Variants in SLIT1 observed in about 807,000 individuals in gnomAD.
The protein encoded by SLIT1 is slit homolog 1 protein.
SLIT1 carries 66 observed loss-of-function variants against 186.1 expected under a neutral mutation model. The observed-to-expected ratio is 0.35, with a 90% CI of 0.29 to 0.44. SLIT1 has a LOEUF of 0.44. Ranked by LOEUF, SLIT1 falls within the 20% of genes least tolerant of loss-of-function variation. The probability of loss-of-function intolerance (pLI) is 1.00; values close to 1 mark genes in which losing one functional copy is unlikely to be tolerated. For synonymous variants in SLIT1, 761 were observed against 833.8 expected (o/e 0.91, Z 1.50); for missense variants, 1,638 against 2,037.4 (o/e 0.80, Z 3.77).
In SLIT1 at chr10:97,047,782, G is replaced by C. The variant is rs757934126; in HGVS notation, c.1542C>G (p.Pro514=). ...NSECNSDVVC[P]HKCRCEANVV... ...CGTTGGCCTCACAGCGGCACTTGTG[G>C]GGACAGACCACGTCGCTGTTGCACT... The change falls in exon 16 of 37, where the codon CCC becomes CCG. Residue 514 remains proline (P), a synonymous_variant. Coordinates refer to ENST00000266058, the MANE Select transcript of SLIT1 (RefSeq NM_003061.3). 4 of 1,613,976 alleles carry C rather than the reference G, an allele frequency of 2.5e-6. No individual in the cohort carries two copies. In the African/African-American group the frequency reaches 5.3e-5, roughly 22 times the overall value.
chr10:97,047,996 G>A lies in SLIT1; in HGVS notation c.1466C>T (p.Ala489Val), dbSNP rs757749299. Reference protein sequence around the residue: ...QIKSKKFRCSAKEQYFIPGTE... With the variant: ...QIKSKKFRCSVKEQYFIPGTE... ...ACCTGGAATGAAGTACTGCTCTTTG[G>A]CTGGGAAGAGAAGCAGAAATACCAT... is the stretch of plus-strand genomic sequence containing the variant. Residue 489 changes from alanine (A) to valine (V), a missense_variant and splice_region_variant, in exon 15 of 37, where the codon GCC becomes GTC. Transcript: ENST00000266058. 1 of 1,614,142 alleles carries A rather than the reference G, an allele frequency of 6.2e-7. No homozygotes were observed. The highest frequency in any genetic ancestry group is 8.5e-7 in the Non-Finnish European group (1 of 1,179,986).
intron 4 of SLIT1, among the ~76,000 whole-genome samples, chr10:97,067,913 G>C (rs1044400887): frequency 6.6e-6 from 1 of 152,042 alleles, no homozygotes; most frequent in South Asian, 2.1e-4. Context: ...CCCCTGCCCC[G>C]CCGCACACCG....
chr10:97,098,243 T>G (rs1441228761), intron 4 of SLIT1, among the ~76,000 whole-genome samples: 1 of 152,230 alleles, frequency 6.6e-6, no homozygotes, highest in Non-Finnish European at 1.5e-5. Flanking sequence ...CTAAGAGTTC[T>G]GGGGCTCTCG....
intron 4 of SLIT1, among the ~76,000 whole-genome samples, chr10:97,146,231 T>C (rs2817657): frequency 0.78 from 119,276 of 152,142 alleles, 46,935 homozygotes; most frequent in Admixed American, 0.84. Context: ...GTTACTTCTT[T>C]GAGCTCCTCA....
chr10:97,064,963 T>C, intron 5 of SLIT1, 87 bp from the exon 6 acceptor site: 1 of 967,412 alleles, frequency 1.0e-6, no homozygotes, highest in Non-Finnish European at 1.6e-6. Context: ...CTCCATTCAT[T>C]CAAAAGAGGT....
intron 4 of SLIT1, among the ~76,000 whole-genome samples, chr10:97,095,207 C>T (rs1036534079): frequency 1.3e-5 from 2 of 152,164 alleles, no homozygotes; most frequent in Non-Finnish European, 2.9e-5. Context: ...TAGTTGAACC[C>T]GGAAGGTGGA....
In SLIT1 at chr10:97,043,112, T is replaced by A. The variant is rs1273096764; in HGVS notation, c.1998-45A>T. The A allele has an allele frequency of 1.3e-6, 2 of 1,592,828 alleles. No individual in the cohort carries two copies. The highest frequency in any genetic ancestry group is 2.7e-5 in the African/African-American group (2 of 74,596). ...CGGCCATGGAGACACTCTGCCCCTC[T>A]CAGAGGTCCCAGCAAACCCCTCCTG... On this transcript the variant is annotated intron_variant, in intron 19 of 36. Coordinates refer to ENST00000266058, the MANE Select transcript of SLIT1 (RefSeq NM_003061.3). The surrounding 1 kb of genome is among the most constrained non-coding windows in gnomAD (Gnocchi z 7.0).
intron 4 of SLIT1, among the ~76,000 whole-genome samples, chr10:97,155,737 C>T (rs1849942041): frequency 6.6e-6 from 1 of 152,110 alleles, no homozygotes; most frequent in Non-Finnish European, 1.5e-5. Flanking sequence ...GCCAGGAGAG[C>T]AAGGGCAAAA....
rs553948106 is a variant in SLIT1, at chr10:97,077,658, C to T, written c.414-11572G>A. 1.5e-4 allele frequency among the ~76,000 whole-genome samples: 23 copies of T among 152,234 alleles called. 2 individuals carry two copies. The East Asian group carries it at 3.3e-3, about 22-fold the overall frequency. On this transcript the variant is annotated intron_variant, in intron 4 of 36. Transcript: ENST00000266058. ...TATTGTCCGTGAGGCTTCCAACTGC[C>T]GCTACTAAATCCTGAGTGGTACAGC...
At chr10:97,143,505 G>A (rs2134705920) in intron 4 of SLIT1, among the ~76,000 whole-genome samples, 1 of 152,302 alleles carries the variant, frequency 6.6e-6, no homozygotes, top group South Asian at 2.1e-4. Flanking sequence ...TTTCAGTTTT[G>A]CAAAATGACA....
chr10:97,107,789 T>C (rs1456046332), intron 4 of SLIT1, among the ~76,000 whole-genome samples: 1 of 151,710 alleles, frequency 6.6e-6, no homozygotes, highest in African/African-American at 2.4e-5. Flanking sequence ...AACCAACCCA[T>C]GGGGCCAGCT....
At chr10:97,048,105 G>A (rs1027668126) in intron 14 of SLIT1, 109 bp from the exon 15 acceptor site, 4 of 1,188,242 alleles carry the variant, frequency 3.4e-6, no homozygotes, top group African/African-American at 1.5e-5. Context: ...ACAGGGCTGA[G>A]GAGCCCATCT....
chr10:97,000,674 G>T lies in SLIT1; in HGVS notation c.*438C>A, dbSNP rs1301723381. On this transcript the variant is annotated 3_prime_UTR_variant, in exon 37 of 37. Transcript: ENST00000266058. ...GTACTTCATGGTTGCCCGCAGAGGG[G>T]TAAGAGGCTTCTGGGGCCACAGACC... 6.1e-6 allele frequency: 1 copy of T among 163,496 alleles called. No individual in the cohort carries two copies. Among genetic ancestry groups the T allele is most frequent in the African/African-American group, 2.4e-5 (1 of 41,728 alleles). 10.1% of individuals were successfully genotyped at this position (163,496 alleles called of 1,614,324 possible).
At chr10:97,123,295 G>A (rs1463851535) in intron 4 of SLIT1, among the ~76,000 whole-genome samples, 1 of 152,208 alleles carries the variant, frequency 6.6e-6, no homozygotes. Context: ...GCACGCCACA[G>A]TTTTGCAAAA....
At chr10:97,137,034 C>A (rs1429877358) in intron 4 of SLIT1, among the ~76,000 whole-genome samples, 1 of 152,150 alleles carries the variant, frequency 6.6e-6, no homozygotes, top group East Asian at 1.9e-4. Flanking sequence ...GGACTTCACA[C>A]CAAGCAGGCC....
At chr10:97,122,594 A>G (rs1405182310) in intron 4 of SLIT1, among the ~76,000 whole-genome samples, 1 of 152,206 alleles carries the variant, frequency 6.6e-6, no homozygotes, top group African/African-American at 2.4e-5. Context: ...GTGCATGTGC[A>G]TCTGTCCAGG....
At chr10:97,139,625 G>A (rs929558888) in intron 4 of SLIT1, among the ~76,000 whole-genome samples, 5 of 152,132 alleles carry the variant, frequency 3.3e-5, no homozygotes, top group East Asian at 1.9e-4. Context: ...AGCTGTAAAC[G>A]TCCAAATCCA....
intron 1 of SLIT1, among the ~76,000 whole-genome samples, chr10:97,180,600 C>T (rs1165377657): frequency 6.6e-6 from 1 of 152,240 alleles, no homozygotes. Context: ...AAGGCCCCGC[C>T]AGCTGCTGAG....
intron 4 of SLIT1, among the ~76,000 whole-genome samples, chr10:97,138,206 CA>C (rs1554853103): frequency 2.0e-5 from 3 of 152,212 alleles, no homozygotes; most frequent in Non-Finnish European, 4.4e-5. Context: ...ATTGCGGAAC[CA>C]ATCTACCAAG....
Sources: gnomAD v4.1 joint callset for allele counts (sites outside exome capture counted in the v4.1 genomes callset) on GRCh38, gnomAD v4.1.1 for gene constraint, Gnocchi (gnomAD v3.1) non-coding constraint, MANE v1.5 for transcripts, NCBI Gene and HGNC (gene_info 2026-07-23, HGNC 2026-07-21) for gene names.